The following SLC4A4 variants were observed in gnomAD, a reference collection of about 807,000 sequenced individuals.
SLC4A4 encodes solute carrier family 4 member 4.
Under a neutral mutation model 111.5 loss-of-function variants are expected in SLC4A4, and 27 were observed. The observed-to-expected ratio is 0.24, with a 90% CI of 0.18 to 0.33. SLC4A4 has a LOEUF of 0.33. SLC4A4 is among the 10% of genes least tolerant of loss of function. The probability of loss-of-function intolerance (pLI) is 1.00; values close to 1 mark genes in which losing one functional copy is unlikely to be tolerated. For synonymous variants in SLC4A4, 443 were observed against 463.4 expected (o/e 0.96, Z 0.57); for missense variants, 909 against 1,315.5 (o/e 0.69, Z 4.78).
intron 4 of SLC4A4, among the ~76,000 whole-genome samples, chr4:71,348,243 G>GT (rs374491031): frequency 5.4e-5 from 8 of 149,072 alleles, no homozygotes; most frequent in African/African-American, 9.9e-5. Flanking sequence ...TAAAATTGTC[G>GT]TTTTTTTTCT....
At chr4:71,088,970 AG>A (rs1560712793) in intron 1 of SLC4A4, among the ~76,000 whole-genome samples, 1 of 152,178 alleles carries the variant, frequency 6.6e-6, no homozygotes, top group East Asian at 1.9e-4. Context: ...AGATTGGGGA[AG>A]TTCTCATAGA....
rs979735566 is a variant in SLC4A4, at chr4:71,121,093, G to A, written c.-2+28301G>A. 1.8e-4 allele frequency among the ~76,000 whole-genome samples: 27 copies of A among 152,276 alleles called. 1 individual carries two copies. Among genetic ancestry groups the A allele is most frequent in the African/African-American group, 6.3e-4 (26 of 41,574 alleles). ...CCAGGCTAGCAGCTGCGGAGGGTGT[G>A]CAGGGTCCCCCAGTAGGGCTGGCTG... On this transcript the variant is annotated intron_variant, in intron 2 of 26. Coordinates refer to the SLC4A4 transcript ENST00000649996.
chr4:71,301,147 C>T (rs993237991), intron 3 of SLC4A4: 32 of 336,440 alleles, frequency 9.5e-5, no homozygotes, highest in East Asian at 4.4e-4. Flanking sequence ...GGGCACCACA[C>T]GTGGCAGTAG....
chr4:71,232,872 T>C (rs1461809123), intron 1 of SLC4A4, among the ~76,000 whole-genome samples: 1 of 152,206 alleles, frequency 6.6e-6, no homozygotes, highest in East Asian at 1.9e-4. Context: ...TGAAATTGTG[T>C]TGGACTCTAT....
intron 1 of SLC4A4, among the ~76,000 whole-genome samples, chr4:71,221,802 C>T (rs1021645308): frequency 2.6e-5 from 4 of 152,262 alleles, no homozygotes; most frequent in South Asian, 2.1e-4. Context: ...AGCACCTTCA[C>T]AAGGCAGAAG....
intron 7 of SLC4A4, among the ~76,000 whole-genome samples, chr4:71,422,983 G>A (rs1240751488): frequency 1.3e-5 from 2 of 152,138 alleles, no homozygotes; most frequent in Admixed American, 6.5e-5. Context: ...GGAAGTTCTG[G>A]CCAGGGCAAT....
Position 71,255,231 on chromosome 4 carries a change from A to C in SLC4A4, c.85A>C (p.Ile29Leu). 6.2e-7 allele frequency: 1 copy of C among 1,613,328 alleles called. No homozygotes were observed. Among genetic ancestry groups the C allele is most frequent in the Non-Finnish European group, 8.5e-7 (1 of 1,179,396 alleles). ...TGTACCTTCCTTAGGCCACCATACCATTTACATCGGAGTCCATGTGCCGAA... is the reference window on the plus strand; with the variant it reads ...TGTACCTTCCTTAGGCCACCATACCCTTTACATCGGAGTCCATGTGCCGAA... ...DEEEVEGHHTIYIGVHVPKSY... is the reference protein window; with the variant it reads ...DEEEVEGHHTLYIGVHVPKSY... Residue 29 changes from isoleucine (I) to leucine (L), a missense_variant, in exon 3 of 26, where the codon ATT becomes CTT. This residue lies in a region of SLC4A4 where 117 missense variants were observed against 154.2 expected (regional missense o/e 0.76). Coordinates refer to ENST00000264485, the MANE Select transcript of SLC4A4 (RefSeq NM_001098484.3).
chr4:71,343,531 C>T (rs981620806), intron 4 of SLC4A4, among the ~76,000 whole-genome samples: 4 of 152,214 alleles, frequency 2.6e-5, no homozygotes, highest in Non-Finnish European at 5.9e-5. Flanking sequence ...CAATTCCATT[C>T]TTTTAGTTCT....
At position 71,462,245 on chromosome 4, in the gene SLC4A4, C is replaced by T. The variant is rs145056905; in HGVS notation, c.1498-4199C>T. Among the ~76,000 whole-genome samples the T allele has an allele frequency of 4.2e-3, 642 of 152,024 alleles. 5 individuals are homozygous for T. Among genetic ancestry groups the T allele is most frequent in the Middle Eastern group, 0.031 (9 of 294 alleles). ...TTTCATTTTATCCAAATAATTATCC[C>T]GTGAAGTAGCTATTGATTTTACAGA... is the stretch of plus-strand genomic sequence containing the variant. On this transcript the variant is annotated intron_variant, in intron 12 of 25. Coordinates refer to ENST00000264485, the MANE Select transcript of SLC4A4 (RefSeq NM_001098484.3).
chr4:71,546,573 A>G, intron 19 of SLC4A4, 45 bp downstream of exon 19: 1 of 1,514,840 alleles, frequency 6.6e-7, no homozygotes, highest in Non-Finnish European at 9.1e-7. Flanking sequence ...CACACTGTGC[A>G]CACATCTATG....
intron 1 of SLC4A4, among the ~76,000 whole-genome samples, chr4:71,068,344 C>A (rs146290467): frequency 6.7e-6 from 1 of 150,362 alleles, no homozygotes; most frequent in Non-Finnish European, 1.5e-5. Context: ...GGATTACAGG[C>A]GTGAGCCACT....
At chr4:71,237,944 C>G (rs1279318512) in intron 2 of SLC4A4, among the ~76,000 whole-genome samples, 1 of 152,106 alleles carries the variant, frequency 6.6e-6, no homozygotes, top group Non-Finnish European at 1.5e-5. Flanking sequence ...AAATGTCAAG[C>G]TGGTGAAAGC....
intron 8 of SLC4A4, among the ~76,000 whole-genome samples, chr4:71,445,826 C>T (rs1273877286): frequency 5.9e-5 from 9 of 152,222 alleles, no homozygotes; most frequent in Non-Finnish European, 4.4e-5. Context: ...ATACACTTTA[C>T]AGTCCTAAAG....
chr4:71,321,431 A>G (rs551507066), intron 3 of SLC4A4, among the ~76,000 whole-genome samples: 7 of 152,132 alleles, frequency 4.6e-5, no homozygotes, highest in African/African-American at 1.4e-4. Flanking sequence ...CTCAGTTTCT[A>G]CAAGTGGTCT....
chr4:71,217,289 T>A (rs1718488159), intron 1 of SLC4A4, among the ~76,000 whole-genome samples: 1 of 152,188 alleles, frequency 6.6e-6, no homozygotes, highest in Non-Finnish European at 1.5e-5. Context: ...AGTTATGGGC[T>A]GGGTGTGGTG....
intron 1 of SLC4A4, among the ~76,000 whole-genome samples, chr4:71,227,871 C>T (rs896708): frequency 0.012 from 1,822 of 152,202 alleles, 46 homozygotes; most frequent in African/African-American, 0.041. Context: ...CTGTCTGTAA[C>T]GGTAAAACCT....
At chr4:71,212,108 T>A (rs1718172123) in intron 1 of SLC4A4, among the ~76,000 whole-genome samples, 1 of 152,208 alleles carries the variant, frequency 6.6e-6, no homozygotes. Flanking sequence ...TGTACAAGTG[T>A]GTCTGCCCTC....
chr4:71,321,487 T>C (rs537552089), intron 3 of SLC4A4, among the ~76,000 whole-genome samples: 1 of 151,770 alleles, frequency 6.6e-6, no homozygotes, highest in East Asian at 1.9e-4. Flanking sequence ...TTAGTAGACA[T>C]ATGTTGCTGG....
intron 3 of SLC4A4, among the ~76,000 whole-genome samples, chr4:71,314,787 G>A (rs1157808615): frequency 6.6e-6 from 1 of 152,028 alleles, no homozygotes; most frequent in Non-Finnish European, 1.5e-5. Context: ...TGCAAGGGGA[G>A]GGAGAGCATT....
Sources: allele counts gnomAD v4.1 joint callset (sites outside exome capture counted in the v4.1 genomes callset), GRCh38; gene constraint gnomAD v4.1.1; regional missense constraint gnomAD v4.1.1; transcripts MANE v1.5; gene names NCBI Gene and HGNC (gene_info 2026-07-23, HGNC 2026-07-21).